Variants in RAB12 observed in about 807,000 individuals in gnomAD.
RAB12 encodes RAB12, member RAS oncogene family.
RAB12 carries 11 observed loss-of-function variants against 28.4 expected under a neutral mutation model. The ratio of observed to expected loss-of-function variants is 0.39; its 90% CI spans 0.24 to 0.64. The LOEUF is 0.64. Among genes scored for constraint, RAB12 ranks in the 30% least tolerant of loss-of-function variants. The pLI is 0.50. For missense variants in RAB12, 276 were observed against 351.1 expected (o/e 0.79, Z 1.71); for synonymous variants, 138 against 145.3 (o/e 0.95, Z 0.36).
At chr18:8,636,085 T>G in intron 4 of RAB12, 168 bp from the exon 5 acceptor site, 1 of 596,790 alleles carries the variant, frequency 1.7e-6, no homozygotes, top group East Asian at 3.0e-5. Flanking sequence ...TGCTAGTTGC[T>G]TATAATGTAA....
intron 2 of RAB12, among the ~76,000 whole-genome samples, chr18:8,630,463 G>A (rs917972274): frequency 5.3e-5 from 8 of 152,144 alleles, no homozygotes; most frequent in African/African-American, 1.2e-4. Context: ...GAGACTAAAC[G>A]TTTCTTACCA....
intron 1 of RAB12, among the ~76,000 whole-genome samples, chr18:8,620,659 C>T (rs2096009400): frequency 6.6e-6 from 1 of 151,924 alleles, no homozygotes; most frequent in South Asian, 2.1e-4. Flanking sequence ...GAAGAGGGAG[C>T]AGTTTCCAGC....
rs1465321561 is a variant in RAB12 at position 8,638,077 on chromosome 18, A to C, written c.910-72A>C. The stretch of plus-strand genomic sequence containing the variant: ...AAGTGGACCTGTGCAGTTGAAACTC[A>C]TGTTCAAGGGTCAGCTGTATGTGTA... On this transcript the variant is annotated intron_variant, in intron 5 of 5. Transcript: ENST00000649141. 3.2e-6 allele frequency: 3 copies of C among 943,824 alleles called. No homozygotes were observed. The East Asian group carries it at 7.4e-5, about 23-fold the overall frequency. The allele number at this position is 943,824 out of a possible 1,614,324, so 58.5% of individuals were successfully genotyped here.
chr18:8,616,757 CAAAAAAA>C (rs71165794), intron 1 of RAB12, among the ~76,000 whole-genome samples: 62 of 128,638 alleles, frequency 4.8e-4, no homozygotes, highest in African/African-American at 1.7e-3. Flanking sequence ...CCCATCTCCA[CAAAAAAA>C]AAAAAAAATG....
Position 8,609,862 on chromosome 18 carries a change from C to T in RAB12, c.423C>T (p.Val141=), listed in dbSNP as rs1472278995. 1.9e-6 allele frequency: 3 copies of T among 1,595,954 alleles called. No individual in the cohort carries two copies. Among genetic ancestry groups the T allele is most frequent in the Non-Finnish European group, 2.6e-6 (3 of 1,172,654 alleles). Residue 141 remains valine (V), a synonymous_variant, in exon 1 of 6, where the codon GTC becomes GTT. Coordinates refer to ENST00000649141, the MANE Select transcript of RAB12 (RefSeq NM_001025300.3). Reference sequence around the variant, plus strand: ...GGCCGGCCGACTTCAAGTTGCAGGTCATCATTATCGGCTCCCGCGGCGTGG... The same window carrying T: ...GGCCGGCCGACTTCAAGTTGCAGGTTATCATTATCGGCTCCCGCGGCGTGG... ...PPRPADFKLQ[V]IIIGSRGVGK... is the part of the protein sequence containing the mutation.
intron 2 of RAB12, among the ~76,000 whole-genome samples, chr18:8,628,870 G>C (rs1194879594): frequency 6.6e-6 from 1 of 152,148 alleles, no homozygotes; most frequent in Admixed American, 6.5e-5. Flanking sequence ...CATTGAATGT[G>C]AATGGAAGTG....
At chr18:8,635,709 A>G (rs2096018515) in intron 4 of RAB12, 87 bp downstream of exon 4, 1 of 832,188 alleles carries the variant, frequency 1.2e-6, no homozygotes, top group African/African-American at 1.7e-5. Flanking sequence ...TATTTTAAAA[A>G]TTACAAAGAA....
chr18:8,615,574 A>G (rs990532205), intron 1 of RAB12, among the ~76,000 whole-genome samples: 4 of 152,188 alleles, frequency 2.6e-5, no homozygotes, highest in Admixed American at 6.5e-5. Context: ...TCCCCTGCCA[A>G]AATGATGTAA....
intron 3 of RAB12, among the ~76,000 whole-genome samples, chr18:8,633,760 C>T (rs1355519783): frequency 6.6e-6 from 1 of 152,140 alleles, no homozygotes; most frequent in Non-Finnish European, 1.5e-5. Context: ...CATCTGTCCT[C>T]GCAATTATAG....
intron 3 of RAB12, 132 bp from the exon 4 acceptor site, chr18:8,635,401 T>C (rs2096018288): frequency 2.9e-6 from 2 of 680,386 alleles, no homozygotes; most frequent in East Asian, 6.1e-5. Flanking sequence ...TGGGAACTGG[T>C]AGAACCTCAA....
At chr18:8,637,217 A>C (rs1235801882) in intron 5 of RAB12, among the ~76,000 whole-genome samples, 1 of 151,366 alleles carries the variant, frequency 6.6e-6, no homozygotes, top group Non-Finnish European at 1.5e-5. Context: ...AATTTGATAC[A>C]GTGAGCTATG....
At chr18:8,629,156 C>T (rs201367925) in intron 2 of RAB12, among the ~76,000 whole-genome samples, 1 of 151,976 alleles carries the variant, frequency 6.6e-6, no homozygotes, top group Non-Finnish European at 1.5e-5. Context: ...CTAATTTAGA[C>T]AAGCCATAAC....
intron 1 of RAB12, among the ~76,000 whole-genome samples, chr18:8,619,381 G>A (rs2096008515): frequency 6.6e-6 from 1 of 152,168 alleles, no homozygotes; most frequent in Non-Finnish European, 1.5e-5. Flanking sequence ...TTATGGCCCA[G>A]CAAAAAGAAA....
At chr18:8,635,432 C>G in intron 3 of RAB12, 101 bp from the exon 4 acceptor site, 1 of 878,170 alleles carries the variant, frequency 1.1e-6, no homozygotes, top group Non-Finnish European at 1.8e-6. Context: ...AGTGAATGGA[C>G]AAATGTAAAT....
At position 8,638,219 on chromosome 18, in the gene RAB12, C is replaced by T. The variant is rs750810141; in HGVS notation, c.980C>T (p.Pro327Leu). 7.4e-6 allele frequency: 12 copies of T among 1,613,652 alleles called. No homozygotes were observed. The East Asian group carries it at 2.0e-4, about 27-fold the overall frequency. The change falls in exon 6 of 6, where the codon CCG becomes CTG. Residue 327 changes from proline (P) to leucine (L), a missense_variant. Around this residue, in one of 4 missense-constraint regions of RAB12, gnomAD observed 127 missense variants for 161.4 expected, o/e 0.79. Transcript: ENST00000649141. Reference sequence around the variant, plus strand: ...TCGTTACAACCAGAGCCTGAGATACCGCCAGAACTGCCTCCACCAAGACCA... The same window carrying T: ...TCGTTACAACCAGAGCCTGAGATACTGCCAGAACTGCCTCCACCAAGACCA... Reference protein sequence around the residue: ...ILSLQPEPEIPPELPPPRPHV... With the variant: ...ILSLQPEPEILPELPPPRPHV...
chr18:8,615,108 G>A (rs2096006032), intron 1 of RAB12, among the ~76,000 whole-genome samples: 1 of 152,192 alleles, frequency 6.6e-6, no homozygotes. Context: ...TGCTTACGCT[G>A]GGGAAGTAGG....
intron 1 of RAB12, 50 bp downstream of exon 1, chr18:8,610,003 G>C (rs764294417): frequency 1.4e-6 from 2 of 1,455,008 alleles, no homozygotes; most frequent in South Asian, 2.3e-5. Flanking sequence ...GCCCGGGCAG[G>C]TGCCCTTCGC....
At chr18:8,631,563 G>T (rs2096016004) in intron 2 of RAB12, among the ~76,000 whole-genome samples, 1 of 152,172 alleles carries the variant, frequency 6.6e-6, no homozygotes, top group Non-Finnish European at 1.5e-5. Context: ...AGAAAATTGG[G>T]AAAAAGCCCA....
chr18:8,616,680 G>A (rs541288158), intron 1 of RAB12, among the ~76,000 whole-genome samples: 82 of 151,344 alleles, frequency 5.4e-4, no homozygotes, highest in African/African-American at 1.9e-3. Context: ...CACACCTGCA[G>A]TCAAATTTTC....
Sources: allele counts gnomAD v4.1 joint callset (sites outside exome capture counted in the v4.1 genomes callset), GRCh38; gene constraint gnomAD v4.1.1; regional missense constraint gnomAD v4.1.1; transcripts MANE v1.5; gene names NCBI Gene and HGNC (gene_info 2026-07-23, HGNC 2026-07-21).